The following EHMT1 variants were observed in gnomAD, a reference collection of about 807,000 sequenced individuals.
The protein encoded by EHMT1 is euchromatic histone lysine methyltransferase 1.
EHMT1 carries 15 observed loss-of-function variants against 147.2 expected under a neutral mutation model. The ratio of observed to expected loss-of-function variants is 0.10; its 90% CI spans 0.07 to 0.16. The LOEUF (loss-of-function observed/expected upper bound fraction) is 0.16, where lower values mean the gene tolerates loss of function less well. EHMT1 is among the 10% of genes least tolerant of loss of function. The pLI is 1.00. For missense variants in EHMT1, 1,587 were observed against 1,772.4 expected (o/e 0.90, Z 1.88); for synonymous variants, 795 against 709.6 (o/e 1.12, Z -1.91).
chr9:137,699,426 A>G (rs1319550522), intron 1 of EHMT1, among the ~76,000 whole-genome samples: 1 of 152,214 alleles, frequency 6.6e-6, no homozygotes, highest in Non-Finnish European at 1.5e-5. Context: ...TAATCCCAGC[A>G]CTTTGGGAGG....
intron 10 of EHMT1, 88 bp downstream of exon 10, chr9:137,762,908 A>T: frequency 6.3e-7 from 1 of 1,574,952 alleles, no homozygotes; most frequent in Non-Finnish European, 8.6e-7. Flanking sequence ...CCCTCGAGTG[A>T]GTTGTGCTGC....
At chr9:137,712,199 C>T (rs1367843243) in intron 2 of EHMT1, among the ~76,000 whole-genome samples, 1 of 152,232 alleles carries the variant, frequency 6.6e-6, no homozygotes, top group Non-Finnish European at 1.5e-5. Flanking sequence ...CCCTCCGGCT[C>T]TTCCCCCTTC....
chr9:137,620,197 C>G (rs910190465), intron 1 of EHMT1: 5 of 151,992 alleles, frequency 3.3e-5, no homozygotes, highest in African/African-American at 9.7e-5. Flanking sequence ...CTGCAGCATT[C>G]AAGGAATTAA....
chr9:137,699,035 G>A (rs952729193), intron 1 of EHMT1, among the ~76,000 whole-genome samples: 1 of 152,154 alleles, frequency 6.6e-6, no homozygotes, highest in Non-Finnish European at 1.5e-5. Context: ...CCTATTCTTC[G>A]CCTGTGGGGG....
Position 137,800,975 on chromosome 9 carries a change from C to G in EHMT1, c.2703C>G (p.Ile901Met). Residue 901 changes from isoleucine to methionine, a missense_variant, in exon 18 of 27, where the codon ATC becomes ATG. Ile to Met is a conservative substitution (Grantham distance 10, BLOSUM62 1). Around this residue, in one of 7 missense-constraint regions of EHMT1, gnomAD observed 201 missense variants for 350.1 expected, o/e 0.57. Coordinates refer to ENST00000460843, the MANE Select transcript of EHMT1 (RefSeq NM_024757.5). ...LLLSKGSDIN[I>M]RDNEENICLH... ...TGTCCAAGGGCTCTGACATCAACATCCGAGACAACGTAAGTTCGTCACACC... is the reference window on the plus strand; with the variant it reads ...TGTCCAAGGGCTCTGACATCAACATGCGAGACAACGTAAGTTCGTCACACC... The G allele has an allele frequency of 1.2e-6, 2 of 1,614,114 alleles. No homozygotes were observed. Among genetic ancestry groups the G allele is most frequent in the Non-Finnish European group, 1.7e-6 (2 of 1,180,010 alleles).
chr9:137,730,099 C>T (rs1946974052), intron 4 of EHMT1, among the ~76,000 whole-genome samples: 2 of 152,226 alleles, frequency 1.3e-5, no homozygotes, highest in South Asian at 2.1e-4. Context: ...TGTGGGTTTG[C>T]CCAGTGTTTC....
At chr9:137,805,699 G>A (rs367863506) in intron 18 of EHMT1, among the ~76,000 whole-genome samples, 5 of 149,384 alleles carry the variant, frequency 3.3e-5, no homozygotes, top group East Asian at 3.9e-4. Context: ...GTCTTGCTCC[G>A]TCGCCCAGGC....
chr9:137,824,340 C>T (rs545407501), intron 25 of EHMT1, among the ~76,000 whole-genome samples: 1 of 152,348 alleles, frequency 6.6e-6, no homozygotes, highest in South Asian at 2.1e-4. Context: ...TGGAGATCTA[C>T]GTCTGGACCA....
At chr9:137,819,720 G>A (rs1955249383) in intron 25 of EHMT1, among the ~76,000 whole-genome samples, 1 of 151,882 alleles carries the variant, frequency 6.6e-6, no homozygotes, top group African/African-American at 2.4e-5. Context: ...CGGTGACTGA[G>A]TGAAGCAGCA....
chr9:137,826,526 A>G (rs1424938241), intron 25 of EHMT1, among the ~76,000 whole-genome samples: 1 of 152,204 alleles, frequency 6.6e-6, no homozygotes, highest in African/African-American at 2.4e-5. Context: ...CATAGACTGC[A>G]CAACAGACTG....
chr9:137,798,622 C>A (rs1287997226), intron 16 of EHMT1, among the ~76,000 whole-genome samples, 191 bp from the exon 17 acceptor site: 1 of 152,190 alleles, frequency 6.6e-6, no homozygotes, highest in East Asian at 1.9e-4. Flanking sequence ...ACTCATGGGG[C>A]CACAGGGGGC....
intron 18 of EHMT1, among the ~76,000 whole-genome samples, 186 bp downstream of exon 18, chr9:137,801,170 G>A (rs986942707): frequency 1.3e-5 from 2 of 152,200 alleles, no homozygotes; most frequent in Non-Finnish European, 2.9e-5. Context: ...GGGATGTGAG[G>A]TCCCAGCAGA....
Position 137,776,998 on chromosome 9 carries a change from T to A in EHMT1, c.2018+154T>A, listed in dbSNP as rs976566232. 6.7e-6 allele frequency: 5 copies of A among 744,238 alleles called. No individual in the cohort carries two copies. Among genetic ancestry groups the A allele is most frequent in the African/African-American group, 5.3e-5 (3 of 56,446 alleles). 46.1% of individuals were successfully genotyped at this position (744,238 alleles called of 1,614,324 possible). On this transcript the variant is annotated intron_variant, in intron 12 of 26. Coordinates refer to ENST00000460843, the MANE Select transcript of EHMT1 (RefSeq NM_024757.5). The surrounding 1 kb of genome is among the most constrained non-coding windows in gnomAD (Gnocchi z 4.4). ...ATTTCTGACATTTAAGACTCTGAAA[T>A]TCATTTATTGCCATTTGTGCATACG... is the stretch of plus-strand genomic sequence containing the variant.
chr9:137,675,708 T>G (rs1941205050), intron 1 of EHMT1, among the ~76,000 whole-genome samples: 1 of 145,824 alleles, frequency 6.9e-6, no homozygotes, highest in Non-Finnish European at 1.5e-5. Flanking sequence ...ACCTCCCGGG[T>G]TCAAGCGATT....
intron 17 of EHMT1, among the ~76,000 whole-genome samples, chr9:137,799,813 A>G (rs2137344878): frequency 6.6e-6 from 1 of 152,092 alleles, no homozygotes; most frequent in Admixed American, 6.5e-5. Flanking sequence ...AAAGGCCCAT[A>G]CTCTCGCCTT....
chr9:137,725,769 G>A (rs1300655362), intron 3 of EHMT1, among the ~76,000 whole-genome samples: 1 of 152,128 alleles, frequency 6.6e-6, no homozygotes, highest in East Asian at 1.9e-4. Flanking sequence ...GAGACAGAGA[G>A]AGGTGGAGAC....
At chr9:137,768,710 C>T (rs961645800) in intron 10 of EHMT1, among the ~76,000 whole-genome samples, 27 of 151,034 alleles carry the variant, frequency 1.8e-4, no homozygotes, top group Admixed American at 5.3e-4. Flanking sequence ...CCACTACGCC[C>T]GGCTAATTTT....
chr9:137,793,487 C>T (rs1952676618), intron 16 of EHMT1, among the ~76,000 whole-genome samples: 1 of 152,234 alleles, frequency 6.6e-6, no homozygotes, highest in Admixed American at 6.5e-5. Context: ...TCTGGTGGTT[C>T]CTCAGATCGC....
Position 137,818,118 on chromosome 9 carries a change from C to T in EHMT1, c.3520C>T (p.Leu1174Phe). 6.2e-7 allele frequency: 1 copy of T among 1,614,212 alleles called. No individual in the cohort carries two copies. The highest frequency in any genetic ancestry group is 8.5e-7 in the Non-Finnish European group (1 of 1,180,036). ...CGACGTTCGAGAGGAAGATTCTTAC[C>T]TCTTTGATCTCGACAATAAGGTAAT... is the stretch of plus-strand genomic sequence containing the variant. ...EADVREEDSYLFDLDNKDGEV... is the reference protein window; with the variant it reads ...EADVREEDSYFFDLDNKDGEV... Residue 1174 changes from leucine to phenylalanine, a missense_variant, in exon 25 of 27, where the codon CTC becomes TTC. By Grantham distance (22) the Leu-to-Phe change is conservative (BLOSUM62 0). This residue lies in a region of EHMT1 where 156 missense variants were observed against 252.5 expected (regional missense o/e 0.62). Coordinates refer to ENST00000460843, the MANE Select transcript of EHMT1 (RefSeq NM_024757.5).
Sources: allele counts gnomAD v4.1 joint callset (sites outside exome capture counted in the v4.1 genomes callset), GRCh38; gene constraint gnomAD v4.1.1; regional missense constraint gnomAD v4.1.1; non-coding constraint Gnocchi (gnomAD v3.1); transcripts MANE v1.5; gene names NCBI Gene and HGNC (gene_info 2026-07-23, HGNC 2026-07-21).